The following DNAAF4 variants were observed in gnomAD, a reference collection of about 807,000 sequenced individuals.
DNAAF4 encodes the protein dynein assembly factor 4, axonemal.
DNAAF4 carries 43 observed loss-of-function variants against 51.8 expected under a neutral mutation model. That is an observed-to-expected ratio of 0.83 (90% CI 0.65 to 1.07). The LOEUF is 1.07. Ranked by LOEUF, DNAAF4 falls within the 50% of genes least tolerant of loss-of-function variation. The pLI, the probability that DNAAF4 is intolerant of heterozygous loss-of-function variation, is 0.00. For missense variants in DNAAF4, 581 were observed against 493.0 expected, an observed-to-expected ratio of 1.18 and a Z score of -1.69; for synonymous variants, 194 against 165.6, an observed-to-expected ratio of 1.17 and a Z score of -1.32.
At chr15:55,444,052 A>C (rs566389711) in intron 6 of DNAAF4, among the ~76,000 whole-genome samples, 1 of 152,100 alleles carries the variant, frequency 6.6e-6, no homozygotes, top group Non-Finnish European at 1.5e-5. Flanking sequence ...GTTTAATTAG[A>C]TCCCATTTGT....
intron 3 of DNAAF4, among the ~76,000 whole-genome samples, chr15:55,493,589 T>TA (rs1251168598): frequency 6.6e-6 from 1 of 152,092 alleles, no homozygotes; most frequent in Non-Finnish European, 1.5e-5. Context: ...TGAGAAAAAT[T>TA]AGAGTCTGAA....
intron 6 of DNAAF4, among the ~76,000 whole-genome samples, chr15:55,447,410 G>C (rs1266950884): frequency 6.6e-6 from 1 of 152,014 alleles, no homozygotes; most frequent in African/African-American, 2.4e-5. Flanking sequence ...AGCACTTTGG[G>C]AGGCCAAGGC....
At chr15:55,439,307 G>A (rs974124738) in intron 7 of DNAAF4, among the ~76,000 whole-genome samples, 165 bp downstream of exon 7, 2 of 152,106 alleles carry the variant, frequency 1.3e-5, no homozygotes, top group African/African-American at 4.8e-5. Flanking sequence ...ACAAAATCTC[G>A]CTTTGTTGCC....
chr15:55,434,559 G>T (rs755078500), intron 8 of DNAAF4, among the ~76,000 whole-genome samples: 1 of 152,066 alleles, frequency 6.6e-6, no homozygotes, highest in East Asian at 1.9e-4. Context: ...GGTGCCGGGC[G>T]CGGTGGCTCA....
chr15:55,501,771 G>A (rs965496284), intron 1 of DNAAF4, among the ~76,000 whole-genome samples: 12 of 151,964 alleles, frequency 7.9e-5, no homozygotes, highest in African/African-American at 2.9e-4. Context: ...GGCTGGGCGG[G>A]GTGGCTCACG....
At chr15:55,436,673 C>T (rs1175551352) in intron 7 of DNAAF4, among the ~76,000 whole-genome samples, 1 of 152,170 alleles carries the variant, frequency 6.6e-6, no homozygotes, top group Non-Finnish European at 1.5e-5. Flanking sequence ...GAGTGAGCCA[C>T]CGTGCCCAGC....
At chr15:55,494,832 C>G (rs934138656) in intron 3 of DNAAF4, among the ~76,000 whole-genome samples, 1 of 152,090 alleles carries the variant, frequency 6.6e-6, no homozygotes, top group African/African-American at 2.4e-5. Context: ...ATAATTTTCA[C>G]ATTTTTAAAT....
At chr15:55,493,183 G>A (rs936292449) in intron 3 of DNAAF4, among the ~76,000 whole-genome samples, 1 of 152,100 alleles carries the variant, frequency 6.6e-6, no homozygotes, top group Non-Finnish European at 1.5e-5. Flanking sequence ...AAACCTGCCA[G>A]GACCTTGATC....
At chr15:55,423,633 C>A (rs58013690) in intron 7 of DNAAF4, among the ~76,000 whole-genome samples, 27,072 of 152,052 alleles carry the variant, frequency 0.18, 4,178 homozygotes, top group African/African-American at 0.42. Flanking sequence ...ACTAGAGAGT[C>A]ATGTTAGTCC....
At chr15:55,490,597 A>G (rs1301661989) in intron 4 of DNAAF4, among the ~76,000 whole-genome samples, 2 of 152,206 alleles carry the variant, frequency 1.3e-5, no homozygotes, top group African/African-American at 4.8e-5. Context: ...TCCCCTAGAA[A>G]TAGAACCCTC....
At chr15:55,448,473 C>A (rs539472203) in intron 6 of DNAAF4, among the ~76,000 whole-genome samples, 56 of 122,536 alleles carry the variant, frequency 4.6e-4, no homozygotes, top group Non-Finnish European at 4.7e-4. Flanking sequence ...GTACTCCAGC[C>A]TGGGCAGCAG....
At chr15:55,449,587 C>G (rs1334214682) in intron 6 of DNAAF4, among the ~76,000 whole-genome samples, 1 of 150,012 alleles carries the variant, frequency 6.7e-6, no homozygotes, top group Non-Finnish European at 1.5e-5. Flanking sequence ...TTGTTTGAAC[C>G]TGGGAGGAGG....
intron 7 of DNAAF4, among the ~76,000 whole-genome samples, chr15:55,436,211 G>T: frequency 6.6e-6 from 1 of 151,796 alleles, no homozygotes; most frequent in Admixed American, 6.6e-5. Flanking sequence ...GTTATTTTCT[G>T]TTTTTTTTCT....
chr15:55,437,091 A>G (rs1029966432), intron 7 of DNAAF4, among the ~76,000 whole-genome samples: 2 of 152,226 alleles, frequency 1.3e-5, no homozygotes, highest in African/African-American at 4.8e-5. Flanking sequence ...TGCTGGGATT[A>G]CAGGCGTGAG....
chr15:55,429,906 T>C (rs981889103), downstream of DNAAF4, among the ~76,000 whole-genome samples: 1 of 152,140 alleles, frequency 6.6e-6, no homozygotes, highest in African/African-American at 2.4e-5. Context: ...TGCTTAACAC[T>C]TGCATAATCC....
intron 6 of DNAAF4, among the ~76,000 whole-genome samples, chr15:55,446,072 G>T (rs989740648): frequency 7.1e-6 from 1 of 140,460 alleles, no homozygotes; most frequent in Non-Finnish European, 1.5e-5. Context: ...CCCAGATGGG[G>T]TGGCGGCCGG....
At chr15:55,459,860 C>T (rs997902704) in intron 5 of DNAAF4, among the ~76,000 whole-genome samples, 1 of 151,968 alleles carries the variant, frequency 6.6e-6, no homozygotes, top group African/African-American at 2.4e-5. Context: ...CGCGCCACCA[C>T]GCCTGGCTAA....
chr15:55,489,819 G>A lies in DNAAF4; in HGVS notation c.405+1304C>T, dbSNP rs111650033. Among the ~76,000 whole-genome samples the A allele has an allele frequency of 1.6e-3, 240 of 151,280 alleles. 6 individuals are homozygous for A. The South Asian group carries it at 0.042, about 27-fold the overall frequency. On this transcript the variant is annotated intron_variant, in intron 4 of 9. Transcript: ENST00000321149. ...GGTCCACAAAAATCTTAAATAATGC[G>A]TATTATAGATTCCTTAGTCACTGCA...
At chr15:55,435,143 G>A (rs1000130313) in intron 7 of DNAAF4, 85 bp from the exon 8 acceptor site, 13 of 1,427,546 alleles carry the variant, frequency 9.1e-6, no homozygotes, top group South Asian at 1.4e-5. Flanking sequence ...TTGACAAAGA[G>A]GATGGCTTAC....
Sources: gnomAD v4.1 joint callset for allele counts (sites outside exome capture counted in the v4.1 genomes callset) on GRCh38, gnomAD v4.1.1 for gene constraint, MANE v1.5 for transcripts, NCBI Gene and HGNC (gene_info 2026-07-23, HGNC 2026-07-21) for gene names.